The following ETS1 variants were observed in gnomAD, a reference collection of about 807,000 sequenced individuals.
ETS1 encodes ETS proto-oncogene 1, transcription factor.
Under a neutral mutation model 58.6 loss-of-function variants are expected in ETS1, and 15 were observed. That is an observed-to-expected ratio of 0.26 (90% CI 0.17 to 0.39). The LOEUF is 0.39. Among genes scored for constraint, ETS1 ranks in the 10% least tolerant of loss-of-function variants. The probability of loss-of-function intolerance (pLI) is 1.00; values close to 1 mark genes in which losing one functional copy is unlikely to be tolerated. For synonymous variants in ETS1, 214 were observed against 218.2 expected, an observed-to-expected ratio of 0.98 and a Z score of 0.17; for missense variants, 417 against 610.5, an observed-to-expected ratio of 0.68 and a Z score of 3.34.
At chr11:128,462,753 C>T (rs892693374) in intron 9 of ETS1, among the ~76,000 whole-genome samples, 177 bp from the exon 10 acceptor site, 5 of 152,118 alleles carry the variant, frequency 3.3e-5, no homozygotes, top group Non-Finnish European at 7.3e-5. Flanking sequence ...TCCTGAATTC[C>T]ATTTTTCATG....
chr11:128,572,097 AC>A (rs1244114652), intron 2 of ETS1: 1 of 151,458 alleles, frequency 6.6e-6, no homozygotes, highest in African/African-American at 2.4e-5. Context: ...ACATGGTGAA[AC>A]CCCTTCTCTA....
intron 1 of ETS1, among the ~76,000 whole-genome samples, chr11:128,577,064 T>C (rs1290177422): frequency 6.6e-6 from 1 of 152,230 alleles, no homozygotes; most frequent in Non-Finnish European, 1.5e-5. Context: ...GCAGGCACCA[T>C]GCCTTTTTCA....
intron 8 of ETS1, among the ~76,000 whole-genome samples, chr11:128,469,623 T>C (rs1357805096): frequency 1.3e-5 from 2 of 152,166 alleles, no homozygotes; most frequent in Non-Finnish European, 2.9e-5. Context: ...ACAGAAAACA[T>C]CCTGACAGTT....
intron 3 of ETS1, chr11:128,526,334 C>T (rs1357951324): frequency 6.5e-6 from 1 of 153,670 alleles, no homozygotes; most frequent in African/African-American, 2.4e-5. Flanking sequence ...TTTAAACAAT[C>T]CCGAACCTCA....
chr11:128,539,619 C>A (rs995870290), intron 3 of ETS1, among the ~76,000 whole-genome samples: 1 of 152,104 alleles, frequency 6.6e-6, no homozygotes, highest in African/African-American at 2.4e-5. Flanking sequence ...ACCATACGAC[C>A]CAGAAATTCT....
chr11:128,546,652 A>T (rs1461308964), intron 3 of ETS1, among the ~76,000 whole-genome samples: 3 of 152,086 alleles, frequency 2.0e-5, no homozygotes, highest in Admixed American at 6.6e-5. Context: ...AATATTCTTT[A>T]AAAAAAATTT....
chr11:128,531,332 T>G (rs1414030228), intron 3 of ETS1, among the ~76,000 whole-genome samples: 1 of 152,234 alleles, frequency 6.6e-6, no homozygotes, highest in Admixed American at 6.5e-5. Context: ...GGGTGCCAAG[T>G]GCTTTGCACT....
chr11:128,480,045 T>C, intron 8 of ETS1, 146 bp downstream of exon 8: 1 of 1,087,452 alleles, frequency 9.2e-7, no homozygotes, highest in South Asian at 1.7e-5. Context: ...GGAGAGAGAC[T>C]AAAGAATTCT....
chr11:128,475,239 A>T (rs1337404829), intron 8 of ETS1, among the ~76,000 whole-genome samples: 1 of 152,374 alleles, frequency 6.6e-6, no homozygotes, highest in Admixed American at 6.5e-5. Context: ...TTATTTTGCA[A>T]TCGAGCCTTC....
intron 3 of ETS1, among the ~76,000 whole-genome samples, chr11:128,519,841 C>T (rs983047677): frequency 1.3e-5 from 2 of 151,460 alleles, no homozygotes; most frequent in East Asian, 1.9e-4. Flanking sequence ...GCATAATGTT[C>T]GCATATAAGC....
chr11:128,536,136 T>TA (rs1487172122), intron 3 of ETS1, among the ~76,000 whole-genome samples: 2 of 152,150 alleles, frequency 1.3e-5, no homozygotes, highest in Admixed American at 6.6e-5. Flanking sequence ...TCTAAATACA[T>TA]AAAAAATAGG....
chr11:128,477,271 T>A (rs531508387), intron 8 of ETS1, among the ~76,000 whole-genome samples: 1 of 152,236 alleles, frequency 6.6e-6, no homozygotes, highest in South Asian at 2.1e-4. Flanking sequence ...CAATCAAATT[T>A]TAAGGGAACA....
chr11:128,462,592 A>T lies in ETS1; in HGVS notation c.1243-16T>A, dbSNP rs747880867. ...TCCTGGCCACCTGAAATTTAAAAAG[A>T]AAAATAAAGGAGGAGTAGGCAAAAA... On this transcript the variant is annotated splice_polypyrimidine_tract_variant and intron_variant, in intron 9 of 9. Coordinates refer to ENST00000392668, the MANE Select transcript of ETS1 (RefSeq NM_001143820.2). The T allele has an allele frequency of 1.9e-6, 3 of 1,610,162 alleles. No homozygotes were observed. The South Asian group carries it at 3.3e-5, about 18-fold the overall frequency.
At chr11:128,522,284 G>A in intron 3 of ETS1, 2 of 1,115,834 alleles carry the variant, frequency 1.8e-6, no homozygotes, top group Non-Finnish European at 2.2e-6. Context: ...CTCTCCGCCG[G>A]CGGCTGCCTC....
intron 3 of ETS1, among the ~76,000 whole-genome samples, chr11:128,520,544 C>A (rs1164564986): frequency 6.6e-6 from 1 of 152,188 alleles, no homozygotes. Flanking sequence ...TTCCTCGAAC[C>A]CCCAAACACA....
intron 2 of ETS1, among the ~76,000 whole-genome samples, chr11:128,563,700 C>A (rs1205332725): frequency 6.6e-6 from 1 of 152,164 alleles, no homozygotes. Context: ...ATACAATGTG[C>A]CCTTGAACTG....
intron 1 of ETS1, among the ~76,000 whole-genome samples, chr11:128,582,974 A>C (rs1351098595): frequency 6.6e-6 from 1 of 151,678 alleles, no homozygotes; most frequent in Non-Finnish European, 1.5e-5. Flanking sequence ...TTGCTTTTTC[A>C]TTTGTTTTTG....
Position 128,540,688 on chromosome 11 carries a change from G to A in ETS1, c.214+15603C>T, listed in dbSNP as rs552445155. On this transcript the variant is annotated intron_variant, in intron 3 of 9. Coordinates refer to ENST00000392668, the MANE Select transcript of ETS1 (RefSeq NM_001143820.2). ...TAAGTGGCTTAGAGAGAGGCTGCCC[G>A]GGAAACTCCAAATGGAATTTAAAAA... is the stretch of plus-strand genomic sequence containing the variant. Among the ~76,000 whole-genome samples, 23 of 152,294 alleles carry A rather than the reference G, an allele frequency of 1.5e-4. No homozygotes were observed. The South Asian group carries it at 1.9e-3, about 12-fold the overall frequency.
At chr11:128,555,682 A>C (rs1591659867) in intron 3 of ETS1, among the ~76,000 whole-genome samples, 2 of 152,222 alleles carry the variant, frequency 1.3e-5, no homozygotes, top group East Asian at 3.8e-4. Flanking sequence ...TGTGAGAAAC[A>C]GAGTGTCTCC....
Sources: gnomAD v4.1 joint callset for allele counts (sites outside exome capture counted in the v4.1 genomes callset) on GRCh38, gnomAD v4.1.1 for gene constraint, MANE v1.5 for transcripts, NCBI Gene and HGNC (gene_info 2026-07-23, HGNC 2026-07-21) for gene names.